Variants in EXOC6 observed in about 807,000 individuals in gnomAD.
The protein encoded by EXOC6 is exocyst complex component 6.
A neutral mutation model predicts 112.5 loss-of-function variants in EXOC6; 60 were observed. The observed-to-expected ratio is 0.53, with a 90% CI of 0.43 to 0.66. The LOEUF is 0.66. Ranked by LOEUF, EXOC6 falls within the 30% of genes least tolerant of loss-of-function variation. The pLI is 0.00. For synonymous variants in EXOC6, 295 were observed against 308.0 expected (o/e 0.96, Z 0.44); for missense variants, 855 against 957.1 (o/e 0.89, Z 1.41).
At chr10:92,906,943 A>T in intron 5 of EXOC6, among the ~76,000 whole-genome samples, 1 of 152,174 alleles carries the variant, frequency 6.6e-6, no homozygotes, top group Admixed American at 6.5e-5. Context: ...GAGAAATGGT[A>T]ATCTATTGTG....
intron 18 of EXOC6, among the ~76,000 whole-genome samples, chr10:92,984,284 CAT>C (rs918714196): frequency 3.9e-5 from 6 of 152,058 alleles, no homozygotes; most frequent in African/African-American, 9.7e-5. Context: ...ATATTTAAAA[CAT>C]ATTTTTTTCC....
At chr10:93,002,652 T>C (rs1700698387) in intron 19 of EXOC6, among the ~76,000 whole-genome samples, 1 of 152,228 alleles carries the variant, frequency 6.6e-6, no homozygotes, top group African/African-American at 2.4e-5. Flanking sequence ...ACCTTAAGAT[T>C]TCTCAGCCAG....
chr10:92,987,857 C>T (rs1217716445), intron 18 of EXOC6, among the ~76,000 whole-genome samples: 1 of 151,928 alleles, frequency 6.6e-6, no homozygotes, highest in Admixed American at 6.6e-5. Flanking sequence ...AAAAGCACTG[C>T]ACTCACCTCA....
At chr10:92,846,159 T>C (rs1344379267), upstream of EXOC6, among the ~76,000 whole-genome samples, 1 of 152,220 alleles carries the variant, frequency 6.6e-6, no homozygotes, top group Non-Finnish European at 1.5e-5. Flanking sequence ...GTAATCTCTA[T>C]GGGCAGGTGT....
intron 1 of EXOC6, among the ~76,000 whole-genome samples, chr10:92,858,409 ATTCTTTTTTCTCTCCTG>A (rs967532964): frequency 1.4e-4 from 21 of 151,432 alleles, no homozygotes; most frequent in African/African-American, 4.6e-4. Context: ...CATTTTCCTT[ATTCTTTTTTCTCTCCTG>A]TTCTTTTTTC....
chr10:92,941,825 G>C (rs1045392652), intron 13 of EXOC6, among the ~76,000 whole-genome samples: 1 of 152,132 alleles, frequency 6.6e-6, no homozygotes, highest in East Asian at 1.9e-4. Context: ...CATGAGAAGA[G>C]AAATATGCCC....
chr10:92,974,899 G>A lies in EXOC6; in HGVS notation c.1953+667G>A, dbSNP rs544961609. Reference sequence around the variant, plus strand: ...GGTGCCCAGGCTGGAGTGCAGTGGCGTGCTCTCGGCTCGCTACAACCTCCA... The same window carrying A: ...GGTGCCCAGGCTGGAGTGCAGTGGCATGCTCTCGGCTCGCTACAACCTCCA... On this transcript the variant is annotated intron_variant, in intron 18 of 21. Transcript: ENST00000260762. Among the ~76,000 whole-genome samples, 25 of 152,296 alleles carry A rather than the reference G, an allele frequency of 1.6e-4. No individual in the cohort carries two copies. The South Asian group carries it at 4.6e-3, about 28-fold the overall frequency.
Position 92,934,207 on chromosome 10 carries a change from G to A in EXOC6, c.1019+17G>A, listed in dbSNP as rs932107220. The A allele has an allele frequency of 1.3e-6, 2 of 1,528,072 alleles. No individual in the cohort carries two copies. The highest frequency in any genetic ancestry group is 1.8e-6 in the Non-Finnish European group (2 of 1,125,916). The allele number at this position is 1,528,072 out of a possible 1,614,324, so 94.7% of individuals were successfully genotyped here. A position where few individuals can be genotyped will look rare whatever the true frequency, so the allele number is the denominator to read the frequency against. On this transcript the variant is annotated intron_variant, in intron 10 of 21. Transcript: ENST00000260762. Reference sequence around the variant, plus strand: ...AATTGTAGGGTATGTATCTAATATGGAAATAACTATTATTAATTTTATATT... The same window carrying A: ...AATTGTAGGGTATGTATCTAATATGAAAATAACTATTATTAATTTTATATT...
chr10:93,048,075 T>TA (rs553062156), intron 20 of EXOC6, among the ~76,000 whole-genome samples: 160 of 152,310 alleles, frequency 1.1e-3, no homozygotes, highest in African/African-American at 3.4e-3. Flanking sequence ...GCTGAACTCT[T>TA]ACGTTCAGTA....
At chr10:92,841,214 C>T (rs1046467865) in intron 1 of EXOC6, among the ~76,000 whole-genome samples, 1 of 152,146 alleles carries the variant, frequency 6.6e-6, no homozygotes, top group East Asian at 1.9e-4. Flanking sequence ...CTTTCCTTTT[C>T]CCATCTATGT....
intron 20 of EXOC6, among the ~76,000 whole-genome samples, chr10:93,044,873 T>C (rs1845931072): frequency 6.6e-6 from 1 of 152,110 alleles, no homozygotes; most frequent in African/African-American, 2.4e-5. Context: ...ATTTTTTATT[T>C]GTTTGTTTCT....
intron 19 of EXOC6, chr10:92,999,222 A>ATT: frequency 5.1e-6 from 2 of 395,756 alleles, no homozygotes; most frequent in Non-Finnish European, 9.6e-6. Flanking sequence ...TTTTTTTACA[A>ATT]GTTTTTTTTT....
At chr10:93,027,262 A>G (rs1385924301) in intron 20 of EXOC6, among the ~76,000 whole-genome samples, 1 of 152,220 alleles carries the variant, frequency 6.6e-6, no homozygotes, top group Non-Finnish European at 1.5e-5. Flanking sequence ...AAGGTAGCTG[A>G]GGTTGGTTCA....
chr10:92,921,738 C>G (rs1163230104), intron 8 of EXOC6, among the ~76,000 whole-genome samples: 3 of 150,564 alleles, frequency 2.0e-5, no homozygotes, highest in African/African-American at 7.3e-5. Flanking sequence ...GCCTTGACCT[C>G]TTTGGGCTCA....
intron 7 of EXOC6, among the ~76,000 whole-genome samples, chr10:92,916,536 A>G (rs959339339): frequency 6.6e-5 from 10 of 152,120 alleles, no homozygotes; most frequent in African/African-American, 1.4e-4. Flanking sequence ...ACAAACAACT[A>G]TCTTACAAGG....
At position 92,909,526 on chromosome 10, in the gene EXOC6, C is replaced by A; in HGVS notation, c.558C>A (p.Pro186=). 6.2e-7 allele frequency: 1 copy of A among 1,613,210 alleles called. No homozygotes were observed. The highest frequency in any genetic ancestry group is 8.5e-7 in the Non-Finnish European group (1 of 1,179,382). Residue 186 remains proline, a synonymous_variant, in exon 6 of 22, where the codon CCC becomes CCA. Transcript: ENST00000260762. ...RFCQLMIENL[P]KLREDIKEIS... ...GTCAGCTCATGATAGAAAATCTTCC[C>A]AAACTCCGTGAGGATATTAAAGAAA...
intron 18 of EXOC6, among the ~76,000 whole-genome samples, chr10:92,977,255 T>A (rs1351924234): frequency 6.8e-6 from 1 of 146,612 alleles, no homozygotes; most frequent in Non-Finnish European, 1.5e-5. Context: ...CCATCCTCTC[T>A]CTGCTTGGAA....
chr10:92,855,826 A>G (rs1430400182), intron 1 of EXOC6, among the ~76,000 whole-genome samples: 1 of 151,612 alleles, frequency 6.6e-6, no homozygotes, highest in Non-Finnish European at 1.5e-5. Flanking sequence ...TTTTCAAAGA[A>G]CCAACTCTCT....
At chr10:92,892,379 G>A (rs1389044619) in intron 1 of EXOC6, among the ~76,000 whole-genome samples, 1 of 152,192 alleles carries the variant, frequency 6.6e-6, no homozygotes, top group African/African-American at 2.4e-5. Flanking sequence ...GTGGTAACAC[G>A]CATGGAGTAT....
Sources: allele counts gnomAD v4.1 joint callset (sites outside exome capture counted in the v4.1 genomes callset), GRCh38; gene constraint gnomAD v4.1.1; transcripts MANE v1.5; gene names NCBI Gene and HGNC (gene_info 2026-07-23, HGNC 2026-07-21).